Variants in DCHS2 observed in about 807,000 individuals in gnomAD.
The protein encoded by DCHS2 is protocadherin-23.
In DCHS2, 142 loss-of-function variants were observed where a neutral mutation model predicts 182.4. The ratio of observed to expected loss-of-function variants is 0.78; its 90% CI spans 0.68 to 0.89. DCHS2 has a LOEUF of 0.89. Ranked by LOEUF, DCHS2 falls within the 40% of genes least tolerant of loss-of-function variation. The pLI is 0.00. For synonymous variants in DCHS2, 1,740 were observed against 1,663.3 expected, an observed-to-expected ratio of 1.05 and a Z score of -1.12; for missense variants, 4,319 against 4,198.6, an observed-to-expected ratio of 1.03 and a Z score of -0.79.
chr4:154,323,002 G>T, intron 7 of DCHS2: 1 of 510,512 alleles, frequency 2.0e-6, no homozygotes, highest in African/African-American at 1.9e-5. Context: ...TATTTTTCTT[G>T]TTTACATTAA....
At chr4:154,361,729 C>A (rs981965205) in intron 3 of DCHS2, among the ~76,000 whole-genome samples, 1 of 151,982 alleles carries the variant, frequency 6.6e-6, no homozygotes, top group South Asian at 2.1e-4. Context: ...CAAGAGAAAA[C>A]AACCATGACA....
At chr4:154,442,529 ACCC>A (rs769550225) in intron 1 of DCHS2, among the ~76,000 whole-genome samples, 1,982 of 40,994 alleles carry the variant, frequency 0.048, 41 homozygotes, top group East Asian at 0.056. Flanking sequence ...AAAAGTGGAC[ACCC>A]CCCCCCCCCC....
intron 2 of DCHS2, among the ~76,000 whole-genome samples, chr4:154,371,436 G>A (rs1025440151): frequency 5.3e-5 from 8 of 152,114 alleles, no homozygotes; most frequent in Admixed American, 4.6e-4. Flanking sequence ...AATCAGGGCC[G>A]AAAGTTAAAG....
chr4:154,333,061 G>A lies in DCHS2; in HGVS notation c.3147C>T (p.Leu1049=), dbSNP rs1342510310. Residue 1049 remains leucine, a synonymous_variant, in exon 5 of 20, where the codon CTC becomes CTT. Transcript: ENST00000357232. ...GGTCCTCGGCCCTGAGAGTCAGCGTGAGCTCCCGCTGCTCGCCCGCGCCCA... is the reference window on the plus strand; with the variant it reads ...GGTCCTCGGCCCTGAGAGTCAGCGTAAGCTCCCGCTGCTCGCCCGCGCCCA... ...GSLGAGEQRE[L]TLTLRAEDQG... The A allele has an allele frequency of 1.2e-6, 2 of 1,614,058 alleles. No homozygotes were observed. The highest frequency in any genetic ancestry group is 1.3e-5 in the African/African-American group (1 of 75,062).
intron 1 of DCHS2, among the ~76,000 whole-genome samples, chr4:154,408,519 A>G (rs1732492165): frequency 6.6e-6 from 1 of 152,250 alleles, no homozygotes; most frequent in African/African-American, 2.4e-5. Context: ...TAAAGTTAAA[A>G]AGGAAAGATT....
Position 154,307,521 on chromosome 4 carries a change from G to C in DCHS2, c.5261-2290C>G, listed in dbSNP as rs114291582. On this transcript the variant is annotated intron_variant, in intron 10 of 19. Transcript: ENST00000357232. ...CAGTCCCATGACTTCTTAATCCTCC[G>C]GCTCTAGGATACCTCTCCTCAATTC... Among the ~76,000 whole-genome samples the C allele has an allele frequency of 5.1e-3, 769 of 152,040 alleles. 10 individuals are homozygous for C. The highest frequency in any genetic ancestry group is 0.018 in the African/African-American group (738 of 41,452).
chr4:154,323,446 T>C (rs1032177441), intron 7 of DCHS2: 13 of 1,415,850 alleles, frequency 9.2e-6, no homozygotes, highest in Non-Finnish European at 1.2e-5. Flanking sequence ...CCTCACACCT[T>C]GGCCTCCCAG....
At chr4:154,473,578 G>A (rs903647929) in intron 1 of DCHS2, among the ~76,000 whole-genome samples, 1 of 152,088 alleles carries the variant, frequency 6.6e-6, no homozygotes, top group South Asian at 2.1e-4. Context: ...GCCCTAGAAG[G>A]GTTATGGTAT....
In DCHS2 at chr4:154,269,964, G is replaced by A. The variant is rs532306493; in HGVS notation, c.6513C>T (p.Asp2171=). 2.2e-5 allele frequency: 36 copies of A among 1,612,290 alleles called. No individual in the cohort carries two copies. In the Middle Eastern group the frequency reaches 5.0e-4, roughly 22 times the overall value. ...CACTAAAAATTGAATATTTCATGCT[G>A]TCCTGAATTGAGTCAGGAGCAAAAG... is the stretch of plus-strand genomic sequence containing the variant. The part of the protein sequence containing the change: ...VKAFAPDSIQ[D]SMKYSIFSGN... Residue 2171 remains aspartate (D), a synonymous_variant, in exon 14 of 20, where the codon GAC becomes GAT. Transcript: ENST00000357232.
In DCHS2 at chr4:154,298,004, A is replaced by G; in HGVS notation, c.6310T>C (p.Phe2104Leu). ...ACTTTTAACTGCAGCCAGATAGGGA[A>G]GTATTCTGAAGATGGATTTTGCTGA... ...QFQQNPSSEYFPIWLQLKVTD... is the reference protein window; with the variant it reads ...QFQQNPSSEYLPIWLQLKVTD... The change falls in exon 13 of 20, where the codon TTC (phenylalanine) becomes CTC (leucine). Residue 2104 changes from phenylalanine to leucine, a missense_variant. Coordinates refer to ENST00000357232, the MANE Select transcript of DCHS2 (RefSeq NM_001358235.2). 1 of 1,614,110 alleles carries G rather than the reference A, an allele frequency of 6.2e-7. No homozygotes were observed. The highest frequency in any genetic ancestry group is 1.3e-5 in the African/African-American group (1 of 75,046).
intron 16 of DCHS2, among the ~76,000 whole-genome samples, chr4:154,248,627 G>C (rs1264356777): frequency 6.7e-6 from 1 of 149,248 alleles, no homozygotes; most frequent in Non-Finnish European, 1.5e-5. Flanking sequence ...TGCCTAAACA[G>C]ACTCAATCCT....
At chr4:154,445,340 C>T (rs1372988391) in intron 1 of DCHS2, among the ~76,000 whole-genome samples, 1 of 152,180 alleles carries the variant, frequency 6.6e-6, no homozygotes, top group Admixed American at 6.6e-5. Flanking sequence ...AACAGGAAAT[C>T]AATTTCTTCA....
At position 154,384,976 on chromosome 4, in the gene DCHS2, A is replaced by C. The variant is rs552278151; in HGVS notation, c.2053-7532T>G. 1.0e-3 allele frequency among the ~76,000 whole-genome samples: 157 copies of C among 151,984 alleles called. 1 individual carries two copies. The highest frequency in any genetic ancestry group is 2.9e-3 in the Admixed American group (45 of 15,256). The stretch of plus-strand genomic sequence containing the variant: ...TTTAGGGTACATGTGCACAATGTGC[A>C]TGTTTGTTACATATGTATACATGTG... On this transcript the variant is annotated intron_variant, in intron 1 of 19. Transcript: ENST00000357232.
Position 154,491,407 on chromosome 4 carries a change from G to A in DCHS2, c.-52C>T, listed in dbSNP as rs1728834045. On this transcript the variant is annotated 5_prime_UTR_variant, in exon 1 of 20. Coordinates refer to ENST00000357232, the MANE Select transcript of DCHS2 (RefSeq NM_001358235.2). ...CTCGGGTAACTGCCAGCTTGTGGCA[G>A]GATCGCAGAAAAATCCAGGAGCCTC... 4 of 1,448,224 alleles carry A rather than the reference G, an allele frequency of 2.8e-6. No homozygotes were observed. Among genetic ancestry groups the A allele is most frequent in the Non-Finnish European group, 3.6e-6 (4 of 1,100,698 alleles). 89.7% of individuals were successfully genotyped at this position (1,448,224 alleles called of 1,614,324 possible). A position where few individuals can be genotyped will look rare whatever the true frequency, so the allele number is the denominator to read the frequency against.
chr4:154,250,542 A>G (rs968994373), intron 16 of DCHS2, among the ~76,000 whole-genome samples: 16 of 152,154 alleles, frequency 1.1e-4, no homozygotes, highest in African/African-American at 3.9e-4. Flanking sequence ...ACCCAGAATA[A>G]AAAAATCATA....
At chr4:154,460,120 C>A (rs1734952169) in intron 1 of DCHS2, among the ~76,000 whole-genome samples, 1 of 152,162 alleles carries the variant, frequency 6.6e-6, no homozygotes, top group Admixed American at 6.5e-5. Flanking sequence ...AGTGCCTCAT[C>A]TTAAGCTGGC....
At chr4:154,471,115 C>T (rs1477355835) in intron 1 of DCHS2, among the ~76,000 whole-genome samples, 2 of 152,190 alleles carry the variant, frequency 1.3e-5, no homozygotes, top group Non-Finnish European at 2.9e-5. Context: ...TCTTTGTGTG[C>T]TGGCTAGATT....
At chr4:154,441,640 A>G (rs1451715734) in intron 1 of DCHS2, among the ~76,000 whole-genome samples, 1 of 148,790 alleles carries the variant, frequency 6.7e-6, no homozygotes, top group African/African-American at 2.5e-5. Context: ...AAAAAAAACT[A>G]TAACACAACA....
chr4:154,456,471 A>G (rs1455760440), intron 1 of DCHS2, among the ~76,000 whole-genome samples: 3 of 152,238 alleles, frequency 2.0e-5, no homozygotes, highest in African/African-American at 7.2e-5. Flanking sequence ...CCAGATGCTA[A>G]TGCAGATATG....
Sources: allele counts gnomAD v4.1 joint callset (sites outside exome capture counted in the v4.1 genomes callset), GRCh38; gene constraint gnomAD v4.1.1; transcripts MANE v1.5; gene names NCBI Gene and HGNC (gene_info 2026-07-23, HGNC 2026-07-21).